KCNMA1: variants seen among roughly 807,000 people sequenced by gnomAD.
The protein encoded by KCNMA1 is potassium calcium-activated channel subfamily M alpha 1, also known as Calcium-activated potassium channel subunit alpha-1.
A neutral mutation model predicts 140.0 loss-of-function variants in KCNMA1; 29 were observed. The ratio of observed to expected loss-of-function variants is 0.21; its 90% confidence interval spans 0.15 to 0.28. The LOEUF (loss-of-function observed/expected upper bound fraction) is 0.28, where lower values mean the gene tolerates loss of function less well. KCNMA1 is among the 10% of genes least tolerant of loss of function. KCNMA1 has a pLI of 1.00. For missense variants in KCNMA1, 880 were observed against 1,602.2 expected (o/e 0.55, Z 7.70); for synonymous variants, 612 against 611.9 (o/e 1.00, Z 0.00).
intron 1 of KCNMA1, among the ~76,000 whole-genome samples, chr10:77,437,184 G>A (rs2097283386): frequency 6.6e-6 from 1 of 152,122 alleles, no homozygotes; most frequent in Non-Finnish European, 1.5e-5. Flanking sequence ...GCAGCATTGT[G>A]TGGCTGTACC....
At chr10:77,109,704 C>G (rs1270613105) in intron 8 of KCNMA1, among the ~76,000 whole-genome samples, 1 of 152,120 alleles carries the variant, frequency 6.6e-6, no homozygotes, top group African/African-American at 2.4e-5. Flanking sequence ...GGACCCTTCT[C>G]TTTAGGGCAG....
intron 18 of KCNMA1, chr10:77,008,261 C>T (rs2089698437): frequency 8.2e-6 from 12 of 1,454,910 alleles, no homozygotes; most frequent in Non-Finnish European, 1.1e-5. Flanking sequence ...AAAAATAAAT[C>T]AAAGATATGT....
At chr10:77,444,331 A>G (rs1477080073) in intron 1 of KCNMA1, among the ~76,000 whole-genome samples, 1 of 152,206 alleles carries the variant, frequency 6.6e-6, no homozygotes, top group Non-Finnish European at 1.5e-5. Context: ...GACTTACCCA[A>G]TGTTTTGCCA....
chr10:77,250,705 C>G (rs74143322), intron 3 of KCNMA1: 3,441 of 186,632 alleles, frequency 0.018, 117 homozygotes, highest in African/African-American at 0.075. Context: ...AATGCTTCAG[C>G]TGAATACCCG....
chr10:77,154,410 A>G (rs12775320), intron 5 of KCNMA1, among the ~76,000 whole-genome samples: 39,159 of 152,156 alleles, frequency 0.26, 6,314 homozygotes, highest in Middle Eastern at 0.39. Flanking sequence ...CTAATGCTCA[A>G]TGAATGTCGC....
At chr10:77,340,219 C>T (rs890399267) in intron 2 of KCNMA1, among the ~76,000 whole-genome samples, 2 of 152,174 alleles carry the variant, frequency 1.3e-5, no homozygotes, top group African/African-American at 4.8e-5. Context: ...ACAACAGGTG[C>T]TGGAGAGGAT....
At chr10:76,913,666 A>G (rs1438574148) in intron 24 of KCNMA1, 1 of 173,392 alleles carries the variant, frequency 5.8e-6, no homozygotes, top group African/African-American at 2.4e-5. Context: ...GACTTCCTCT[A>G]AGAGCTGTGA....
intron 20 of KCNMA1, among the ~76,000 whole-genome samples, chr10:76,963,771 C>G (rs534804195): frequency 4.5e-4 from 68 of 152,306 alleles, no homozygotes; most frequent in African/African-American, 1.6e-3. Flanking sequence ...AAATACTAGT[C>G]CTCGCAAAGT....
chr10:76,996,143 T>C (rs1428552105), intron 19 of KCNMA1, among the ~76,000 whole-genome samples: 1 of 152,182 alleles, frequency 6.6e-6, no homozygotes, highest in African/African-American at 2.4e-5. Context: ...ACCAGCTATT[T>C]ATTCTGGAGA....
chr10:76,957,326 G>C (rs1010147913), intron 20 of KCNMA1, among the ~76,000 whole-genome samples: 1 of 151,864 alleles, frequency 6.6e-6, no homozygotes, highest in Non-Finnish European at 1.5e-5. Context: ...CCTAACCTAA[G>C]GTACAGAAGA....
chr10:77,547,081 G>T (rs1019614293), intron 1 of KCNMA1, among the ~76,000 whole-genome samples: 1 of 152,170 alleles, frequency 6.6e-6, no homozygotes, highest in Non-Finnish European at 1.5e-5. Flanking sequence ...ACCCAGCCCA[G>T]CCTGGATAAC....
chr10:77,525,651 T>C (rs571957898), intron 1 of KCNMA1, among the ~76,000 whole-genome samples: 3 of 152,334 alleles, frequency 2.0e-5, no homozygotes, highest in African/African-American at 4.8e-5. Flanking sequence ...TCTTCATGTG[T>C]AAAATGAAAG....
At chr10:77,163,878 T>G (rs2098601508) in intron 5 of KCNMA1, among the ~76,000 whole-genome samples, 1 of 152,158 alleles carries the variant, frequency 6.6e-6, no homozygotes, top group African/African-American at 2.4e-5. Flanking sequence ...CATGTGACAC[T>G]CTTCCTCTTT....
At chr10:76,882,308 G>T (rs1355053231), downstream of KCNMA1, among the ~76,000 whole-genome samples, 1 of 152,182 alleles carries the variant, frequency 6.6e-6, no homozygotes, top group African/African-American at 2.4e-5. Context: ...ACAAGCTGAG[G>T]TTGAGAGAGA....
intron 1 of KCNMA1, among the ~76,000 whole-genome samples, chr10:77,600,535 G>T: frequency 6.6e-6 from 1 of 152,152 alleles, no homozygotes; most frequent in East Asian, 1.9e-4. Context: ...GATCACCTGA[G>T]GTCGGCAGTT....
At chr10:77,064,055 T>C (rs1214818232) in intron 14 of KCNMA1, 59 of 985,314 alleles carry the variant, frequency 6.0e-5, no homozygotes, top group Non-Finnish European at 7.1e-5. Flanking sequence ...CCGGACTCTG[T>C]GTATATGTTA....
At chr10:77,435,611 T>C (rs934395878) in intron 1 of KCNMA1, among the ~76,000 whole-genome samples, 1 of 152,202 alleles carries the variant, frequency 6.6e-6, no homozygotes, top group Non-Finnish European at 1.5e-5. Flanking sequence ...ACACCACCTG[T>C]GGTGTGGGGA....
intron 3 of KCNMA1, among the ~76,000 whole-genome samples, chr10:77,232,204 T>C (rs181540806): frequency 6.6e-6 from 1 of 152,364 alleles, no homozygotes; most frequent in African/African-American, 2.4e-5. Flanking sequence ...ATTTAGATTG[T>C]TTCGCTGTTA....
intron 5 of KCNMA1, among the ~76,000 whole-genome samples, chr10:77,134,927 G>A (rs1200913878): frequency 3.0e-5 from 4 of 135,200 alleles, no homozygotes; most frequent in African/African-American, 1.1e-4. Context: ...GAACCCGGGA[G>A]GTGGAGATTG....
Sources: gnomAD v4.1 joint callset for allele counts (sites outside exome capture counted in the v4.1 genomes callset) on GRCh38, gnomAD v4.1.1 for gene constraint, MANE v1.5 for transcripts, NCBI Gene and HGNC (gene_info 2026-07-23, HGNC 2026-07-21) for gene names.